Variants in PTPRD observed in about 807,000 individuals in gnomAD.
PTPRD encodes protein tyrosine phosphatase receptor type D.
PTPRD carries 34 observed loss-of-function variants against 214.5 expected under a neutral mutation model. The ratio of observed to expected loss-of-function variants is 0.16; its 90% confidence interval spans 0.12 to 0.21. The LOEUF (loss-of-function observed/expected upper bound fraction) is 0.21. PTPRD is among the 10% of genes least tolerant of loss of function. The probability of loss-of-function intolerance (pLI) is 1.00; values close to 1 mark genes in which losing one functional copy is unlikely to be tolerated. For missense variants in PTPRD, 2,545 were observed against 2,398.7 expected, an observed-to-expected ratio of 1.06 and a Z score of -1.27; for synonymous variants, 1,128 against 845.7, an observed-to-expected ratio of 1.33 and a Z score of -5.79.
chr9:10,152,817 T>TC (rs1215127890), intron 3 of PTPRD, among the ~76,000 whole-genome samples: 3 of 151,672 alleles, frequency 2.0e-5, no homozygotes, highest in African/African-American at 4.8e-5. Flanking sequence ...AAGAGTGAAC[T>TC]CCCCCCCTAC....
intron 3 of PTPRD, among the ~76,000 whole-genome samples, chr9:10,165,608 T>C (rs762384228): frequency 2.6e-5 from 4 of 151,738 alleles, no homozygotes; most frequent in Non-Finnish European, 5.9e-5. Flanking sequence ...TTTAAAAGAC[T>C]CAATGCTTTC....
chr9:9,961,453 T>C (rs2094358482), intron 4 of PTPRD, among the ~76,000 whole-genome samples: 1 of 152,174 alleles, frequency 6.6e-6, no homozygotes, highest in Admixed American at 6.6e-5. Flanking sequence ...TTTAATATGA[T>C]AAAGTCGGCT....
intron 14 of PTPRD, among the ~76,000 whole-genome samples, chr9:8,616,222 C>T (rs1410491541): frequency 2.0e-5 from 3 of 152,058 alleles, no homozygotes; most frequent in Non-Finnish European, 4.4e-5. Flanking sequence ...AATTGAAGTG[C>T]AACGGGCCAA....
chr9:9,045,509 T>G (rs2099669739), intron 10 of PTPRD, among the ~76,000 whole-genome samples: 1 of 152,164 alleles, frequency 6.6e-6, no homozygotes, highest in African/African-American at 2.4e-5. Flanking sequence ...TTTCTGCTAT[T>G]TCACCCAAAC....
chr9:9,627,683 T>A (rs1554729568), intron 7 of PTPRD, among the ~76,000 whole-genome samples: 1 of 151,996 alleles, frequency 6.6e-6, no homozygotes, highest in Non-Finnish European at 1.5e-5. Context: ...GAGACAGTGG[T>A]AGAGAGAGAG....
intron 36 of PTPRD, 23 bp from the exon 37 acceptor site, chr9:8,389,430 C>T (rs1344052317): frequency 6.3e-7 from 1 of 1,591,086 alleles, no homozygotes; most frequent in Non-Finnish European, 8.6e-7. Flanking sequence ...GAGTGTTATT[C>T]AACCAGGTGA....
intron 10 of PTPRD, among the ~76,000 whole-genome samples, chr9:9,155,248 T>A (rs1343208109): frequency 1.3e-5 from 2 of 152,196 alleles, no homozygotes; most frequent in African/African-American, 2.4e-5. Flanking sequence ...CTAGATTTTT[T>A]AAATTAAAAT....
intron 11 of PTPRD, among the ~76,000 whole-genome samples, chr9:8,913,069 A>G (rs1312101469): frequency 3.9e-5 from 6 of 152,166 alleles, no homozygotes; most frequent in South Asian, 4.1e-4. Context: ...GAGAAGTTCA[A>G]TAATATCACC....
At chr9:8,336,573 A>G (rs1241341192) in intron 43 of PTPRD, among the ~76,000 whole-genome samples, 2 of 150,940 alleles carry the variant, frequency 1.3e-5, no homozygotes, top group African/African-American at 4.9e-5. Flanking sequence ...AGCAATGGCA[A>G]CTAAAGCCAA....
At chr9:10,264,923 T>C (rs749129668) in intron 3 of PTPRD, among the ~76,000 whole-genome samples, 79 of 152,206 alleles carry the variant, frequency 5.2e-4, no homozygotes, top group Middle Eastern at 3.4e-3. Flanking sequence ...TGAATAAGTC[T>C]CATGAGATCT....
intron 2 of PTPRD, among the ~76,000 whole-genome samples, chr9:10,381,712 T>G (rs773812473): frequency 3.3e-5 from 5 of 151,996 alleles, no homozygotes; most frequent in Non-Finnish European, 5.9e-5. Context: ...CATACAAAGT[T>G]ATCTACAGAT....
chr9:10,005,869 A>G (rs1567043620), intron 4 of PTPRD, among the ~76,000 whole-genome samples: 1 of 152,156 alleles, frequency 6.6e-6, no homozygotes, highest in Non-Finnish European at 1.5e-5. Flanking sequence ...AAATTGTACT[A>G]AAATATACAA....
At chr9:10,055,858 A>G (rs1233519282) in intron 3 of PTPRD, among the ~76,000 whole-genome samples, 2 of 150,414 alleles carry the variant, frequency 1.3e-5, no homozygotes, top group Non-Finnish European at 3.0e-5. Context: ...AAATGTATAC[A>G]TTATGTGTGT....
At chr9:9,955,160 C>G (rs988333548) in intron 4 of PTPRD, among the ~76,000 whole-genome samples, 2 of 152,108 alleles carry the variant, frequency 1.3e-5, no homozygotes, top group Admixed American at 1.3e-4. Flanking sequence ...TAAGTAAGCA[C>G]TGTCAGCAAA....
chr9:8,380,882 A>T (rs529017258), intron 37 of PTPRD, among the ~76,000 whole-genome samples: 1 of 152,218 alleles, frequency 6.6e-6, no homozygotes, highest in South Asian at 2.1e-4. Context: ...GCTTATTTTT[A>T]AATTGTCTAC....
chr9:8,475,797 G>A (rs968098365), intron 30 of PTPRD, among the ~76,000 whole-genome samples: 3 of 151,970 alleles, frequency 2.0e-5, no homozygotes, highest in African/African-American at 4.8e-5. Context: ...TCCAGTGCAC[G>A]TGCTTTTCTC....
chr9:10,107,638 A>C (rs533274663), intron 3 of PTPRD, among the ~76,000 whole-genome samples: 1 of 152,242 alleles, frequency 6.6e-6, no homozygotes, highest in African/African-American at 2.4e-5. Flanking sequence ...ATTCCTAACA[A>C]GTGTTCAATA....
chr9:8,318,001 G>A (rs1563855077), intron 45 of PTPRD, 59 bp from the exon 46 acceptor site: 1 of 1,516,620 alleles, frequency 6.6e-7, no homozygotes, highest in Non-Finnish European at 9.1e-7. Flanking sequence ...TATTTTAATA[G>A]AAAAATAAAA....
At chr9:10,237,236 G>A (rs1223126912) in intron 3 of PTPRD, among the ~76,000 whole-genome samples, 1 of 151,556 alleles carries the variant, frequency 6.6e-6, no homozygotes, top group Non-Finnish European at 1.5e-5. Flanking sequence ...GAATTTAAAG[G>A]TGCTCCAAAA....
Sources: allele counts gnomAD v4.1 joint callset (sites outside exome capture counted in the v4.1 genomes callset), GRCh38; gene constraint gnomAD v4.1.1; transcripts MANE v1.5; gene names NCBI Gene and HGNC (gene_info 2026-07-23, HGNC 2026-07-21).